The following TRAF3IP2 variants were observed in gnomAD, a reference collection of about 807,000 sequenced individuals.
The protein encoded by TRAF3IP2 is E3 ubiquitin ligase TRAF3IP2.
A neutral mutation model predicts 57.9 loss-of-function variants in TRAF3IP2; 35 were observed. The observed-to-expected ratio is 0.60, with a 90% CI of 0.46 to 0.80. The LOEUF (loss-of-function observed/expected upper bound fraction) is 0.80. TRAF3IP2 is among the 30% of genes least tolerant of loss of function. TRAF3IP2 has a pLI of 0.00. For missense variants in TRAF3IP2, 556 were observed against 706.4 expected (o/e 0.79, Z 2.41); for synonymous variants, 251 against 268.9 (o/e 0.93, Z 0.65).
At chr6:111,590,273 T>C (rs174380) in intron 2 of TRAF3IP2, among the ~76,000 whole-genome samples, 111,377 of 152,110 alleles carry the variant, frequency 0.73, 41,473 homozygotes, top group Admixed American at 0.81. Flanking sequence ...TGCAGATGCA[T>C]AAAAACTTGC....
chr6:111,559,142 G>A lies in TRAF3IP2; in HGVS notation c.*263C>T, dbSNP rs560031482. 10 of 398,998 alleles carry A rather than the reference G, an allele frequency of 2.5e-5. No individual in the cohort carries two copies. The highest frequency in any genetic ancestry group is 1.9e-4 in the Admixed American group (5 of 26,194). 24.7% of individuals were successfully genotyped at this position (398,998 alleles called of 1,614,324 possible). ...GAATGGACACATCAAACTGTCAGGA[G>A]GAACATATGGGACACTGGCACCTGC... On this transcript the variant is annotated 3_prime_UTR_variant, in exon 9 of 9. Transcript: ENST00000368761.
Position 111,591,248 on chromosome 6 carries a change from G to C in TRAF3IP2, c.829+10C>G. The C allele has an allele frequency of 6.8e-7, 1 of 1,481,462 alleles. No individual in the cohort carries two copies. The highest frequency in any genetic ancestry group is 9.0e-7 in the Non-Finnish European group (1 of 1,114,192). The allele number at this position is 1,481,462 out of a possible 1,614,324, so 91.8% of individuals were successfully genotyped here. A position where few individuals can be genotyped will look rare whatever the true frequency, so the allele number is the denominator to read the frequency against. On this transcript the variant is annotated intron_variant, in intron 2 of 8. Transcript: ENST00000368761. This position sits in a 1 kb window ranked among gnomAD's most constrained non-coding sequence, Gnocchi z 4.9. Reference sequence around the variant, plus strand: ...GCCCAGAATGCCCAGAGGAGGTAAAGATCACTTACATGGCACCTGGTGATC... The same window carrying C: ...GCCCAGAATGCCCAGAGGAGGTAAACATCACTTACATGGCACCTGGTGATC...
rs370011231 is a variant in TRAF3IP2 at position 111,575,725 on chromosome 6, C to T, written c.1119G>A (p.Pro373=). The change falls in exon 4 of 9, where the codon CCG becomes CCA. Residue 373 remains proline, a synonymous_variant. Transcript: ENST00000368761. ...GGGGTCTAGGCACAGCAGCTGGGGACGGAGGCTGGGGAACCTGTGGTCTCA... is the reference window on the plus strand; with the variant it reads ...GGGGTCTAGGCACAGCAGCTGGGGATGGAGGCTGGGGAACCTGTGGTCTCA... ...AELRPQVPQP[P]SPAAVPRPPS... 107 of 1,612,430 alleles carry T rather than the reference C, an allele frequency of 6.6e-5. No homozygotes were observed. The African/African-American group carries it at 7.8e-4, about 12-fold the overall frequency.
At chr6:111,590,743 A>C (rs779984206) in intron 2 of TRAF3IP2, among the ~76,000 whole-genome samples, 2 of 152,134 alleles carry the variant, frequency 1.3e-5, no homozygotes, top group Non-Finnish European at 2.9e-5. Context: ...TTAAGCAGCA[A>C]AATCACAGAA....
In TRAF3IP2 at chr6:111,572,909, C is replaced by T. The variant is rs1315991109; in HGVS notation, c.1276G>A (p.Gly426Ser). Reference sequence around the variant, plus strand: ...AAAATACTTACTGCAGTTTGGAAGCCATTTACCAACAAAAAGTTCACGAAT... The same window carrying T: ...AAAATACTTACTGCAGTTTGGAAGCTATTTACCAACAAAAAGTTCACGAAT... ...VKFVNFLLVNGFQTAIDIFED... is the reference protein window; with the variant it reads ...VKFVNFLLVNSFQTAIDIFED... The change falls in exon 5 of 9, where the codon GGC (glycine) becomes AGC (serine). Residue 426 changes from glycine to serine, a missense_variant. Transcript: ENST00000368761. The T allele has an allele frequency of 1.2e-6, 2 of 1,613,910 alleles. No individual in the cohort carries two copies. The highest frequency in any genetic ancestry group is 1.7e-6 in the Non-Finnish European group (2 of 1,179,870).
At position 111,591,763 on chromosome 6, in the gene TRAF3IP2, A is replaced by G; in HGVS notation, c.324T>C (p.Ser108=). The G allele has an allele frequency of 6.2e-7, 1 of 1,614,242 alleles. No individual in the cohort carries two copies. Among genetic ancestry groups the G allele is most frequent in the Non-Finnish European group, 8.5e-7 (1 of 1,180,042 alleles). The change falls in exon 2 of 9, where the codon TCT becomes TCC. Residue 108 remains serine (S), a synonymous_variant. Transcript: ENST00000368761. The surrounding 1 kb of genome is among the most constrained non-coding windows in gnomAD (Gnocchi z 4.9). ...RHPGLGKAFP[S]GCSAVSEPAS... ...CAGGCTCGCTGACTGCAGAGCACCC[A>G]GAAGGGAAAGCTTTGCCCAGGCCTG...
chr6:111,566,667 G>GCCCCCACTC, intron 6 of TRAF3IP2, 107 bp from the exon 7 acceptor site: 1 of 969,982 alleles, frequency 1.0e-6, no homozygotes, highest in East Asian at 2.4e-5. Flanking sequence ...CATAGAAAGA[G>GCCCCCACTC]AAGCACTGGC....
Position 111,591,240 on chromosome 6 carries a change from G to A in TRAF3IP2, c.829+18C>T, listed in dbSNP as rs376303562. On this transcript the variant is annotated intron_variant, in intron 2 of 8. Transcript: ENST00000368761. The surrounding 1 kb of genome is among the most constrained non-coding windows in gnomAD (Gnocchi z 4.9). ...GTCACCCAGCCCAGAATGCCCAGAGGAGGTAAAGATCACTTACATGGCACC... is the reference window on the plus strand; with the variant it reads ...GTCACCCAGCCCAGAATGCCCAGAGAAGGTAAAGATCACTTACATGGCACC... The A allele has an allele frequency of 1.4e-6, 2 of 1,469,764 alleles. No homozygotes were observed. Among genetic ancestry groups the A allele is most frequent in the South Asian group, 1.6e-5 (1 of 61,104 alleles). 91.0% of individuals were successfully genotyped at this position (1,469,764 alleles called of 1,614,324 possible).
chr6:111,578,709 A>G (rs913860743), intron 3 of TRAF3IP2, among the ~76,000 whole-genome samples: 6 of 152,210 alleles, frequency 3.9e-5, no homozygotes, highest in African/African-American at 1.2e-4. Context: ...GCTTCTGAGC[A>G]AAAGAGAAAG....
chr6:111,564,695 T>C (rs1795568110), intron 7 of TRAF3IP2, among the ~76,000 whole-genome samples: 1 of 152,148 alleles, frequency 6.6e-6, no homozygotes, highest in East Asian at 1.9e-4. Context: ...GCCCAAGACA[T>C]TGTGGCCCAA....
intron 2 of TRAF3IP2, among the ~76,000 whole-genome samples, chr6:111,583,892 G>A (rs1796250801): frequency 6.6e-6 from 1 of 152,088 alleles, no homozygotes; most frequent in Non-Finnish European, 1.5e-5. Context: ...GGTTTAATCG[G>A]TGTCTCCCTC....
At chr6:111,600,047 G>A (rs1796816208) in intron 1 of TRAF3IP2, 2 of 152,218 alleles carry the variant, frequency 1.3e-5, no homozygotes, top group Non-Finnish European at 2.9e-5. Flanking sequence ...TTTCTCATCT[G>A]CAAAATAGGG....
At chr6:111,599,877 C>A (rs1583248683) in intron 1 of TRAF3IP2, 1 of 152,270 alleles carries the variant, frequency 6.6e-6, no homozygotes, top group East Asian at 1.9e-4. Flanking sequence ...TGGGCTTACC[C>A]TAAATCAACA....
In TRAF3IP2 at chr6:111,567,716, T is replaced by G. The variant is rs563359433; in HGVS notation, c.1291-24A>C. On this transcript the variant is annotated intron_variant, in intron 5 of 8. Coordinates refer to ENST00000368761, the MANE Select transcript of TRAF3IP2 (RefSeq NM_147686.4). Reference sequence around the variant, plus strand: ...ATCTGCAAAAAAAAAGATGTGGGAGTTGGCCCTTAATGAGAGGTTCTCTCA... The same window carrying G: ...ATCTGCAAAAAAAAAGATGTGGGAGGTGGCCCTTAATGAGAGGTTCTCTCA... 492 of 1,591,854 alleles carry G rather than the reference T, an allele frequency of 3.1e-4. 5 individuals are homozygous for G. In the South Asian group the frequency reaches 5.4e-3, roughly 18 times the overall value.
intron 2 of TRAF3IP2, among the ~76,000 whole-genome samples, chr6:111,581,409 G>A (rs1294702341): frequency 6.6e-6 from 1 of 152,164 alleles, no homozygotes; most frequent in Non-Finnish European, 1.5e-5. Context: ...GCAGTAAGAC[G>A]ATCCAGGAGG....
rs770613327 is a variant in TRAF3IP2, at chr6:111,591,594, T to C, written c.493A>G (p.Asn165Asp). 2 of 1,614,212 alleles carry C rather than the reference T, an allele frequency of 1.2e-6. No homozygotes were observed. The highest frequency in any genetic ancestry group is 8.5e-7 in the Non-Finnish European group (1 of 1,180,038). ...DSDKSDQSLPNASADSLGGSQ... is the reference protein window; with the variant it reads ...DSDKSDQSLPDASADSLGGSQ... Reference sequence around the variant, plus strand: ...CCGCCCAAGGAGTCTGCTGAGGCATTAGGTAAACTTTGGTCTGATTTGTCT... The same window carrying C: ...CCGCCCAAGGAGTCTGCTGAGGCATCAGGTAAACTTTGGTCTGATTTGTCT... The change falls in exon 2 of 9, where the codon AAT becomes GAT. Residue 165 changes from asparagine to aspartate, a missense_variant. Asn to Asp is a conservative substitution (Grantham distance 23). This residue lies in a region of TRAF3IP2 where 428 missense variants were observed against 498.7 expected (regional missense o/e 0.86). Transcript: ENST00000368761. The surrounding 1 kb of genome is among the most constrained non-coding windows in gnomAD (Gnocchi z 4.9).
intron 1 of TRAF3IP2, chr6:111,598,067 G>C (rs1215122992): frequency 1.6e-5 from 6 of 367,862 alleles, no homozygotes; most frequent in Non-Finnish European, 2.6e-5. Context: ...TGGGGGGAGA[G>C]CGGGGCTGGA....
At chr6:111,600,641 T>C (rs1796835350) in intron 1 of TRAF3IP2, 1 of 152,118 alleles carries the variant, frequency 6.6e-6, no homozygotes, top group South Asian at 2.1e-4. Context: ...TTTATTTTTA[T>C]TTTTTTTAAG....
In TRAF3IP2 at chr6:111,567,618, A is replaced by G; in HGVS notation, c.1359+6T>C. On this transcript the variant is annotated splice_donor_region_variant and intron_variant, in intron 6 of 8. Transcript: ENST00000368761. ...AAACAAACTCTGGTTTTTGGAATGT[A>G]CTTACATCCCTAAGGTAGCGCTCCA... 2 of 1,604,684 alleles carry G rather than the reference A, an allele frequency of 1.2e-6. No homozygotes were observed. Among genetic ancestry groups the G allele is most frequent in the Non-Finnish European group, 1.7e-6 (2 of 1,176,220 alleles).
Sources: gnomAD v4.1 joint callset for allele counts (sites outside exome capture counted in the v4.1 genomes callset) on GRCh38, gnomAD v4.1.1 for gene constraint, gnomAD v4.1.1 regional missense constraint, Gnocchi (gnomAD v3.1) non-coding constraint, MANE v1.5 for transcripts, NCBI Gene and HGNC (gene_info 2026-07-23, HGNC 2026-07-21) for gene names.